DLGAP3: variants seen among roughly 807,000 people sequenced by gnomAD.
DLGAP3 encodes the protein disks large-associated protein 3.
Under a neutral mutation model 81.2 loss-of-function variants are expected in DLGAP3, and 17 were observed. The ratio of observed to expected loss-of-function variants is 0.21; its 90% CI spans 0.14 to 0.31. The LOEUF (loss-of-function observed/expected upper bound fraction) is 0.31. Among genes scored for constraint, DLGAP3 ranks in the 10% least tolerant of loss-of-function variants. The pLI, the probability that DLGAP3 is intolerant of heterozygous loss-of-function variation, is 1.00. For synonymous variants in DLGAP3, 577 were observed against 587.4 expected (o/e 0.98, Z 0.26); for missense variants, 1,124 against 1,388.0 (o/e 0.81, Z 3.02).
intron 1 of DLGAP3, among the ~76,000 whole-genome samples, chr1:34,925,168 CG>C (rs1557509377): frequency 6.9e-6 from 1 of 145,900 alleles, no homozygotes; most frequent in African/African-American, 2.8e-5. Context: ...TCCCATCCAC[CG>C]GGGGCACCTG....
In DLGAP3 at chr1:34,876,638, G is replaced by T. The variant is rs56123318; in HGVS notation, c.2001-7549C>A. 3.8e-3 allele frequency among the ~76,000 whole-genome samples: 586 copies of T among 152,298 alleles called. 6 individuals carry two copies. Among genetic ancestry groups the T allele is most frequent in the Admixed American group, 5.5e-3 (84 of 15,294 alleles). The stretch of plus-strand genomic sequence containing the variant: ...GGACGCCTGCAGCAGACAGGCCAGG[G>T]AGCCTGGCCAAAGAGATGGGCCAGA... On this transcript the variant is annotated intron_variant, in intron 8 of 11. Transcript: ENST00000373347.
Position 34,894,832 on chromosome 1 carries a change from C to T in DLGAP3, c.1386+4837G>A, listed in dbSNP as rs867268930. Among the ~76,000 whole-genome samples the T allele has an allele frequency of 2.6e-5, 4 of 152,016 alleles. No homozygotes were observed. In the South Asian group the frequency reaches 6.2e-4, roughly 24 times the overall value. ...CAAGAGCTAATAATATAAAAAGTAA[C>T]AATAATAATAGAGACTAATTTGACA... On this transcript the variant is annotated intron_variant, in intron 5 of 11. Transcript: ENST00000373347.
At chr1:34,875,780 T>C (rs1044438490) in intron 8 of DLGAP3, among the ~76,000 whole-genome samples, 1 of 152,248 alleles carries the variant, frequency 6.6e-6, no homozygotes, top group African/African-American at 2.4e-5. Context: ...ATTAAGTATG[T>C]TCTCTCTCAC....
intron 5 of DLGAP3, among the ~76,000 whole-genome samples, chr1:34,897,496 G>A (rs1192342187): frequency 6.6e-6 from 1 of 152,162 alleles, no homozygotes; most frequent in Non-Finnish European, 1.5e-5. Flanking sequence ...GGAGTCTAGT[G>A]TGGCTGGAGT....
chr1:34,878,836 C>T (rs1341773873), intron 8 of DLGAP3, among the ~76,000 whole-genome samples: 2 of 151,890 alleles, frequency 1.3e-5, no homozygotes, highest in African/African-American at 2.4e-5. Flanking sequence ...TTTGGGAGGC[C>T]GAGGCGGGCG....
chr1:34,927,242 T>C (rs1639888661), intron 1 of DLGAP3, among the ~76,000 whole-genome samples: 1 of 152,152 alleles, frequency 6.6e-6, no homozygotes, highest in Non-Finnish European at 1.5e-5. Context: ...AAATCCCCTG[T>C]ACTCAGCTCT....
rs772306893 is a variant in DLGAP3 at position 34,866,221 on chromosome 1, G to A, written c.2802C>T (p.Asp934=). 1.2e-5 allele frequency: 19 copies of A among 1,589,490 alleles called. No homozygotes were observed. The highest frequency in any genetic ancestry group is 3.5e-5 in the Admixed American group (2 of 57,952). ...RGVPVKERSL[D]SVDRQRQEAR... is the part of the protein sequence containing the mutation. ...CTTCCTGCCGCTGCCGGTCCACGGAGTCCAGGGAGCGCTCCTTCACCGGCA... is the reference window on the plus strand; with the variant it reads ...CTTCCTGCCGCTGCCGGTCCACGGAATCCAGGGAGCGCTCCTTCACCGGCA... Residue 934 remains aspartate, a synonymous_variant, in exon 12 of 12, where the codon GAC becomes GAT. Transcript: ENST00000373347.
rs778453291 is a variant in DLGAP3 at position 34,900,178 on chromosome 1, C to T, written c.1203G>A (p.Met401Ile). Reference sequence around the variant, plus strand: ...CTGAGTCTCCGCTCTCCTCATCCCCCATGGCTTTGATGTAGCTGCCGCTCC... The same window carrying T: ...CTGAGTCTCCGCTCTCCTCATCCCCTATGGCTTTGATGTAGCTGCCGCTCC... ...RMRSGSYIKA[M>I]GDEESGDSDG... Residue 401 changes from methionine (M) to isoleucine (I), a missense_variant, in exon 4 of 12, where the codon ATG (methionine) becomes ATA (isoleucine). Physicochemically the swap from Met to Ile is conservative, Grantham distance 10. Around this residue, in one of 9 missense-constraint regions of DLGAP3, gnomAD observed 357 missense variants for 408.8 expected, o/e 0.87. Coordinates refer to ENST00000373347, the MANE Select transcript of DLGAP3 (RefSeq NM_001080418.3). This position sits in a 1 kb window ranked among gnomAD's most constrained non-coding sequence, Gnocchi z 5.6. 1.6e-5 allele frequency: 26 copies of T among 1,614,014 alleles called. No individual in the cohort carries two copies. In the Admixed American group the frequency reaches 4.2e-4, roughly 26 times the overall value.
At chr1:34,921,159 G>C (rs1639789884) in intron 1 of DLGAP3, among the ~76,000 whole-genome samples, 2 of 152,166 alleles carry the variant, frequency 1.3e-5, no homozygotes, top group South Asian at 2.1e-4. Flanking sequence ...GTAATAGGGG[G>C]CTTTGCACAC....
chr1:34,885,932 C>A, intron 6 of DLGAP3, 140 bp downstream of exon 6: 1 of 1,143,626 alleles, frequency 8.7e-7, no homozygotes, highest in Non-Finnish European at 1.2e-6. Flanking sequence ...GCACACACGC[C>A]AACGGACGCT....
At position 34,900,488 on chromosome 1, in the gene DLGAP3, A is replaced by G. The variant is rs181180774; in HGVS notation, c.1108-215T>C. On this transcript the variant is annotated intron_variant, in intron 3 of 11. Coordinates refer to ENST00000373347, the MANE Select transcript of DLGAP3 (RefSeq NM_001080418.3). This position sits in a 1 kb window ranked among gnomAD's most constrained non-coding sequence, Gnocchi z 5.6. Reference sequence around the variant, plus strand: ...TCCACAGACCTTCTGCACTTAATTAAGGGCCACCTAGAGAGTCTGAGGGAG... The same window carrying G: ...TCCACAGACCTTCTGCACTTAATTAGGGGCCACCTAGAGAGTCTGAGGGAG... 6.4e-4 allele frequency among the ~76,000 whole-genome samples: 97 copies of G among 152,306 alleles called. No homozygotes were observed. The highest frequency in any genetic ancestry group is 3.4e-3 in the Middle Eastern group (1 of 294).
intron 1 of DLGAP3, among the ~76,000 whole-genome samples, chr1:34,925,193 C>CG (rs1639852569): frequency 6.8e-6 from 1 of 146,412 alleles, no homozygotes; most frequent in African/African-American, 2.7e-5. Context: ...ACCCCCCCCC[C>CG]ACCTTCCCTC....
intron 5 of DLGAP3, among the ~76,000 whole-genome samples, chr1:34,897,277 A>G (rs1473164427): frequency 6.6e-6 from 1 of 152,162 alleles, no homozygotes; most frequent in African/African-American, 2.4e-5. Flanking sequence ...AAGTGCTAAG[A>G]AGAAGGAGAA....
chr1:34,893,041 G>A (rs7524810), intron 5 of DLGAP3, among the ~76,000 whole-genome samples: 131,446 of 151,322 alleles, frequency 0.87, 57,652 homozygotes, highest in East Asian at 0.99. Flanking sequence ...GCGCGGTGGC[G>A]GGCGCCTGTA....
chr1:34,893,288 T>C (rs1046810264), intron 5 of DLGAP3, among the ~76,000 whole-genome samples: 4 of 151,398 alleles, frequency 2.6e-5, no homozygotes, highest in African/African-American at 9.7e-5. Flanking sequence ...CCAGCAAAAC[T>C]ATTCTTCCAA....
At chr1:34,883,277 T>G (rs1639171401) in intron 8 of DLGAP3, among the ~76,000 whole-genome samples, 1 of 152,198 alleles carries the variant, frequency 6.6e-6, no homozygotes, top group Non-Finnish European at 1.5e-5. Context: ...AACACGTGCT[T>G]AGTAAGTATC....
At chr1:34,901,553 G>A (rs1047716310) in intron 3 of DLGAP3, among the ~76,000 whole-genome samples, 3 of 152,174 alleles carry the variant, frequency 2.0e-5, no homozygotes, top group Admixed American at 6.5e-5. Flanking sequence ...CTGCGAGTTG[G>A]TCATGATACT....
intron 7 of DLGAP3, 61 bp from the exon 8 acceptor site, chr1:34,885,124 G>C: frequency 6.7e-7 from 1 of 1,493,532 alleles, no homozygotes; most frequent in East Asian, 2.3e-5. Context: ...CCTTCCCGGG[G>C]AGAACGGCTA....
rs1199802242 is a variant in DLGAP3, at chr1:34,904,819, C to T, written c.565G>A (p.Ala189Thr). ...KLFAKSHSLEAPGKRDYNGPK... is the reference protein window; with the variant it reads ...KLFAKSHSLETPGKRDYNGPK... Reference sequence around the variant, plus strand: ...CCATTATAGTCCCGCTTCCCCGGCGCCTCCAGAGAGTGGGACTTGGCAAAG... The same window carrying T: ...CCATTATAGTCCCGCTTCCCCGGCGTCTCCAGAGAGTGGGACTTGGCAAAG... Residue 189 changes from alanine to threonine, a missense_variant, in exon 3 of 12, where the codon GCG (alanine) becomes ACG (threonine). Physicochemically the swap from Ala to Thr is moderately conservative, Grantham distance 58. This residue lies in a region of DLGAP3 where 65 missense variants were observed against 78.2 expected (regional missense o/e 0.83). Coordinates refer to ENST00000373347, the MANE Select transcript of DLGAP3 (RefSeq NM_001080418.3). This position sits in a 1 kb window ranked among gnomAD's most constrained non-coding sequence, Gnocchi z 8.1. 6.2e-7 allele frequency: 1 copy of T among 1,610,374 alleles called. No homozygotes were observed. The highest frequency in any genetic ancestry group is 2.2e-5 in the East Asian group (1 of 44,874).
Sources: gnomAD v4.1 joint callset for allele counts (sites outside exome capture counted in the v4.1 genomes callset) on GRCh38, gnomAD v4.1.1 for gene constraint, gnomAD v4.1.1 regional missense constraint, Gnocchi (gnomAD v3.1) non-coding constraint, MANE v1.5 for transcripts, NCBI Gene and HGNC (gene_info 2026-07-23, HGNC 2026-07-21) for gene names.